JADE3: variants seen among roughly 807,000 people sequenced by gnomAD.
The protein encoded by JADE3 is protein Jade-3.
Under a neutral mutation model 50.1 loss-of-function variants are expected in JADE3, and 2 were observed. The observed-to-expected ratio is 0.04, with a 90% CI of 0.02 to 0.13. The LOEUF is 0.13. Among genes scored for constraint, JADE3 ranks in the 10% least tolerant of loss-of-function variants. The pLI is 1.00. For missense variants in JADE3, 475 were observed against 634.4 expected (o/e 0.75, Z 2.70); for synonymous variants, 218 against 232.9 (o/e 0.94, Z 0.58).
chrX:46,975,714 CTTT>C (rs782578317), intron 1 of JADE3, among the ~76,000 whole-genome samples: 9 of 40,517 alleles, frequency 2.2e-4, no homozygotes, highest in East Asian at 9.6e-4. Flanking sequence ...TTTTCTTTTT[CTTT>C]TTTTTTTTTT....
Position 46,968,592 on chromosome X carries a change from A to G in JADE3, c.-11-16292A>G, listed in dbSNP as rs782737626. ...GTATCTCAAAATAAAAAGTAAATGG[A>G]TGGAAAAAAAATATCATGCAAACAC... On this transcript the variant is annotated intron_variant, in intron 1 of 10. Coordinates refer to ENST00000614628, the MANE Select transcript of JADE3 (RefSeq NM_014735.5). 1.1e-3 allele frequency among the ~76,000 whole-genome samples: 123 copies of G among 111,466 alleles called. No individual in the cohort carries two copies. The Middle Eastern group carries it at 0.014, about 12-fold the overall frequency.
chrX:47,054,718 A>G, intron 9 of JADE3, 90 bp downstream of exon 9: 2 of 526,053 alleles, frequency 3.8e-6, no homozygotes, highest in Non-Finnish European at 6.1e-6. Flanking sequence ...CAGTCAGCTC[A>G]TAATAGTGTG....
At chrX:46,994,714 A>G in intron 3 of JADE3, among the ~76,000 whole-genome samples, 1 of 111,907 alleles carries the variant, frequency 8.9e-6, no homozygotes, top group East Asian at 2.8e-4. Context: ...TACCCCATCA[A>G]CAATTACTTT....
intron 4 of JADE3, among the ~76,000 whole-genome samples, chrX:47,008,287 A>T (rs1404789153): frequency 8.9e-6 from 1 of 111,836 alleles, no homozygotes; most frequent in Non-Finnish European, 1.9e-5. Context: ...GAAAAAGTGC[A>T]CATTAAAGGA....
chrX:46,917,793 A>T (rs1556336690), intron 1 of JADE3, among the ~76,000 whole-genome samples: 1 of 49,132 alleles, frequency 2.0e-5, no homozygotes. Context: ...CTCTAATGGG[A>T]GGTCTGTCTC....
At chrX:46,956,355 C>T (rs1203442368) in intron 1 of JADE3, among the ~76,000 whole-genome samples, 2 of 111,414 alleles carry the variant, frequency 1.8e-5, no homozygotes, top group Non-Finnish European at 3.8e-5. Flanking sequence ...TGAGCCACCG[C>T]GCTTGGCCCC....
rs951984119 is a variant in JADE3 at position 47,032,454 on chromosome X, C to A, written c.688-1167C>A. ...AAGAGCAGAAGGAATATCTAAAGGG[C>A]TTGCCACTGTACAATGGTATGAATT... On this transcript the variant is annotated intron_variant, in intron 6 of 10. Coordinates refer to ENST00000614628, the MANE Select transcript of JADE3 (RefSeq NM_014735.5). Among the ~76,000 whole-genome samples, 8 of 110,753 alleles carry A rather than the reference C, an allele frequency of 7.2e-5. No individual in the cohort carries two copies. The East Asian group carries it at 1.4e-3, about 20-fold the overall frequency.
chrX:46,979,015 A>G (rs945433789), intron 1 of JADE3, among the ~76,000 whole-genome samples: 1 of 112,343 alleles, frequency 8.9e-6, no homozygotes, highest in Non-Finnish European at 1.9e-5. Flanking sequence ...TGGACAGACA[A>G]ATCACTGGAC....
intron 4 of JADE3, among the ~76,000 whole-genome samples, chrX:47,006,043 A>T (rs1364991311): frequency 8.9e-6 from 1 of 111,841 alleles, no homozygotes; most frequent in African/African-American, 3.2e-5. Context: ...AGAATCAGGA[A>T]GGTCTCAACT....
intron 4 of JADE3, among the ~76,000 whole-genome samples, chrX:47,016,420 G>C (rs1432947428): frequency 4.5e-5 from 5 of 111,842 alleles, no homozygotes; most frequent in East Asian, 5.6e-4. Flanking sequence ...TTTCCACCTA[G>C]TGTCTCAGCA....
chrX:47,024,815 A>C lies in JADE3; in HGVS notation c.376A>C (p.Ile126Leu). The C allele has an allele frequency of 5.9e-6, 7 of 1,195,920 alleles. No individual in the cohort carries two copies. The highest frequency in any genetic ancestry group is 7.9e-6 in the Non-Finnish European group (7 of 881,040). The change falls in exon 5 of 11, where the codon ATC (isoleucine) becomes CTC (leucine). Residue 126 changes from isoleucine (I) to leucine (L), a missense_variant. Physicochemically the swap from Ile to Leu is conservative, Grantham distance 5. This residue lies in a region of JADE3 where 54 missense variants were observed against 51.8 expected (regional missense o/e 1.04). Coordinates refer to ENST00000614628, the MANE Select transcript of JADE3 (RefSeq NM_014735.5). ...SSPDTTEPGY[I>L]NIMELAASVC... ...CCCAGACACCACAGAGCCTGGCTAC[A>C]TCAACATCATGGAGTTGGCAGCATC...
chrX:46,976,164 A>G (rs1282406869), intron 1 of JADE3, among the ~76,000 whole-genome samples: 1 of 111,798 alleles, frequency 8.9e-6, no homozygotes, highest in East Asian at 2.8e-4. Context: ...CCTTGCACTG[A>G]CCATGCATTT....
chrX:46,994,871 C>T, intron 3 of JADE3, among the ~76,000 whole-genome samples: 1 of 111,515 alleles, frequency 9.0e-6, no homozygotes, highest in South Asian at 3.8e-4. Context: ...TACAAGTTCA[C>T]CCATTTAATC....
chrX:46,991,784 C>T (rs1310887739), intron 3 of JADE3, among the ~76,000 whole-genome samples: 3 of 111,821 alleles, frequency 2.7e-5, no homozygotes, highest in African/African-American at 9.8e-5. Context: ...TCTCTTTGTG[C>T]TTGTCCTCAT....
intron 9 of JADE3, among the ~76,000 whole-genome samples, chrX:47,055,134 C>G (rs1348612845): frequency 9.0e-6 from 1 of 110,966 alleles, no homozygotes; most frequent in Non-Finnish European, 1.9e-5. Context: ...CCCGCACACA[C>G]ACCCCCAGCG....
chrX:47,014,699 C>A, intron 4 of JADE3, among the ~76,000 whole-genome samples: 1 of 111,355 alleles, frequency 9.0e-6, no homozygotes, highest in African/African-American at 3.3e-5. Flanking sequence ...TTTTGAAGAC[C>A]TCTTATATGT....
At position 47,050,561 on chromosome X, in the gene JADE3, A is replaced by C. The variant is rs1172957725; in HGVS notation, c.973-3597A>C. On this transcript the variant is annotated intron_variant, in intron 8 of 10. Coordinates refer to ENST00000614628, the MANE Select transcript of JADE3 (RefSeq NM_014735.5). The stretch of plus-strand genomic sequence containing the variant: ...ATAGATCTCCAGCTATAAATACCAC[A>C]GAATTACCTTTTTTTGAAAAGAGTT... Among the ~76,000 whole-genome samples, 3 of 112,328 alleles carry C rather than the reference A, an allele frequency of 2.7e-5. No individual in the cohort carries two copies. In the Admixed American group the frequency reaches 2.8e-4, roughly 11 times the overall value.
chrX:47,026,653 C>T (rs1184348320), intron 5 of JADE3, among the ~76,000 whole-genome samples: 3 of 111,292 alleles, frequency 2.7e-5, no homozygotes, highest in Admixed American at 9.6e-5. Context: ...TTAAAGTAAA[C>T]TTTTTAAAAA....
At chrX:46,931,324 A>G (rs139579010) in intron 1 of JADE3, among the ~76,000 whole-genome samples, 166 of 112,550 alleles carry the variant, frequency 1.5e-3, no homozygotes, top group African/African-American at 5.1e-3. Flanking sequence ...TTATGCCTGG[A>G]ACTTTTTAAT....
Sources: gnomAD v4.1 joint callset for allele counts (sites outside exome capture counted in the v4.1 genomes callset) on GRCh38, gnomAD v4.1.1 for gene constraint, gnomAD v4.1.1 regional missense constraint, MANE v1.5 for transcripts, NCBI Gene and HGNC (gene_info 2026-07-23, HGNC 2026-07-21) for gene names.